Variants in CDH19 observed in about 807,000 individuals in gnomAD.
CDH19 encodes the protein cadherin 19, also known as cadherin-19.
In CDH19, 67 loss-of-function variants were observed where a neutral mutation model predicts 64.2. The ratio of observed to expected loss-of-function variants is 1.04; its 90% CI spans 0.86 to 1.28. The LOEUF (loss-of-function observed/expected upper bound fraction) is 1.28. CDH19 is among the 50% of genes most tolerant of loss of function. CDH19 has a pLI of 0.00. For missense variants in CDH19, 1,030 were observed against 929.0 expected, an observed-to-expected ratio of 1.11 and a Z score of -1.41; for synonymous variants, 346 against 319.3, an observed-to-expected ratio of 1.08 and a Z score of -0.89.
chr18:66,566,563 C>T lies in CDH19; in HGVS notation c.490+1853G>A, dbSNP rs1263892176. Among the ~76,000 whole-genome samples the T allele has an allele frequency of 7.9e-5, 12 of 151,790 alleles. No individual in the cohort carries two copies. The Admixed American group carries it at 7.9e-4, about 10-fold the overall frequency. On this transcript the variant is annotated intron_variant, in intron 3 of 11. Coordinates refer to ENST00000262150, the MANE Select transcript of CDH19 (RefSeq NM_021153.4). ...CTCTTATTCTTCCTTTTATGCCATACAATAGTCTTCAGTGTGCTGTAATAG... is the reference window on the plus strand; with the variant it reads ...CTCTTATTCTTCCTTTTATGCCATATAATAGTCTTCAGTGTGCTGTAATAG...
At chr18:66,580,018 G>A (rs1457708236) in intron 1 of CDH19, among the ~76,000 whole-genome samples, 3 of 151,948 alleles carry the variant, frequency 2.0e-5, no homozygotes, top group Admixed American at 1.3e-4. Context: ...TGTTGAGTTC[G>A]GGTCACGAGT....
intron 8 of CDH19, among the ~76,000 whole-genome samples, chr18:66,531,740 A>G (rs2144423792): frequency 1.3e-5 from 2 of 152,268 alleles, no homozygotes; most frequent in South Asian, 4.1e-4. Flanking sequence ...CATTCTGAAA[A>G]ATGGGTGTGA....
chr18:66,538,271 G>A (rs559332548), intron 7 of CDH19, among the ~76,000 whole-genome samples: 1 of 152,034 alleles, frequency 6.6e-6, no homozygotes, highest in South Asian at 2.1e-4. Flanking sequence ...ATATAATAAA[G>A]TACATTTGCA....
At chr18:66,571,340 A>T in intron 2 of CDH19, among the ~76,000 whole-genome samples, 1 of 151,622 alleles carries the variant, frequency 6.6e-6, no homozygotes, top group East Asian at 1.9e-4. Flanking sequence ...AGTGCCAGTT[A>T]ATTAGCGGTT....
At chr18:66,521,526 TGTTTGTTTGTTTG>T (rs1985983371) in intron 9 of CDH19, among the ~76,000 whole-genome samples, 1 of 69,990 alleles carries the variant, frequency 1.4e-5, no homozygotes, top group Non-Finnish European at 3.5e-5. Flanking sequence ...TTATTTATTT[TGTTTGTTTGTTTG>T]TTTGTTTATT....
At position 66,582,801 on chromosome 18, in the gene CDH19, T is replaced by A. The variant is rs2144606969; in HGVS notation, c.-112-10485A>T. ...TATACAGCAACAAGTGCCATTTCAT[T>A]TTTGGGCTGGATATCATGAACTTTA... is the stretch of plus-strand genomic sequence containing the variant. On this transcript the variant is annotated intron_variant, in intron 1 of 11. Transcript: ENST00000262150. Among the ~76,000 whole-genome samples, 2 of 152,106 alleles carry A rather than the reference T, an allele frequency of 1.3e-5. 1 individual carries two copies. Among genetic ancestry groups the A allele is most frequent in the Admixed American group, 1.3e-4 (2 of 15,256 alleles).
At chr18:66,525,521 G>C (rs563903425) in intron 9 of CDH19, among the ~76,000 whole-genome samples, 29 of 152,178 alleles carry the variant, frequency 1.9e-4, no homozygotes, top group African/African-American at 7.0e-4. Flanking sequence ...AACCTACCCA[G>C]TGAATTTCAA....
Position 66,522,620 on chromosome 18 carries a change from T to C in CDH19, c.1458+7225A>G, listed in dbSNP as rs977475449. Among the ~76,000 whole-genome samples the C allele has an allele frequency of 7.9e-5, 12 of 151,920 alleles. No individual in the cohort carries two copies. The East Asian group carries it at 2.3e-3, about 29-fold the overall frequency. The stretch of plus-strand genomic sequence containing the variant: ...AAACATTTTTTATACAATTTGACTT[T>C]TTATCCTTTTTCTTTTAAATATAAT... On this transcript the variant is annotated intron_variant, in intron 9 of 11. Coordinates refer to ENST00000262150, the MANE Select transcript of CDH19 (RefSeq NM_021153.4).
chr18:66,528,462 T>C (rs983989960), intron 9 of CDH19, among the ~76,000 whole-genome samples: 2 of 152,166 alleles, frequency 1.3e-5, no homozygotes, highest in Non-Finnish European at 2.9e-5. Context: ...CACCTTTTAC[T>C]TTCCCAAATC....
At chr18:66,510,194 A>G (rs1373581953) in intron 10 of CDH19, among the ~76,000 whole-genome samples, 3 of 151,824 alleles carry the variant, frequency 2.0e-5, no homozygotes, top group Admixed American at 6.6e-5. Flanking sequence ...ATGCTTAAGT[A>G]GGACATTTCC....
chr18:66,564,271 GATC>G (rs1247883024), intron 3 of CDH19, among the ~76,000 whole-genome samples: 3 of 151,698 alleles, frequency 2.0e-5, no homozygotes, highest in Non-Finnish European at 4.4e-5. Context: ...TAATTACAGA[GATC>G]ATTATAACAT....
intron 7 of CDH19, among the ~76,000 whole-genome samples, chr18:66,542,261 G>T (rs1986916403): frequency 1.3e-5 from 2 of 152,080 alleles, no homozygotes; most frequent in African/African-American, 4.8e-5. Context: ...TTATGAACTG[G>T]AACTATAATG....
intron 1 of CDH19, among the ~76,000 whole-genome samples, chr18:66,582,091 T>A (rs552924379): frequency 6.6e-6 from 1 of 152,292 alleles, no homozygotes; most frequent in Admixed American, 6.5e-5. Flanking sequence ...CATCTATATC[T>A]AATGGTTCAC....
intron 9 of CDH19, among the ~76,000 whole-genome samples, chr18:66,522,441 G>C (rs1028219568): frequency 2.0e-5 from 3 of 151,842 alleles, no homozygotes; most frequent in Admixed American, 6.6e-5. Flanking sequence ...GTAGAGACGG[G>C]GGTGCGCCAT....
At chr18:66,528,789 T>C (rs1358436532) in intron 9 of CDH19, among the ~76,000 whole-genome samples, 13 of 152,084 alleles carry the variant, frequency 8.5e-5, no homozygotes, top group Admixed American at 4.6e-4. Flanking sequence ...CTAACATTTA[T>C]TGAAAGAGAA....
chr18:66,592,839 A>T (rs1209291135), intron 1 of CDH19, among the ~76,000 whole-genome samples: 1 of 151,886 alleles, frequency 6.6e-6, no homozygotes, highest in Non-Finnish European at 1.5e-5. Context: ...ATTGCAATAC[A>T]TATATTGCAA....
intron 1 of CDH19, among the ~76,000 whole-genome samples, chr18:66,592,610 T>A (rs1456639518): frequency 6.6e-6 from 1 of 151,832 alleles, no homozygotes; most frequent in Non-Finnish European, 1.5e-5. Context: ...TTATTCTAGC[T>A]TTCAAATAAC....
At chr18:66,522,707 T>A (rs1299811339) in intron 9 of CDH19, among the ~76,000 whole-genome samples, 4 of 151,510 alleles carry the variant, frequency 2.6e-5, no homozygotes, top group Admixed American at 2.0e-4. Flanking sequence ...ATGTTTCATA[T>A]TAATTCGAAC....
At position 66,547,675 on chromosome 18, in the gene CDH19, T is replaced by G. The variant is rs1384890375; in HGVS notation, c.776-2772A>C. On this transcript the variant is annotated intron_variant, in intron 5 of 11. Coordinates refer to ENST00000262150, the MANE Select transcript of CDH19 (RefSeq NM_021153.4). ...GTGTGTGTTAGGTTTTTTTTTTTTT[T>G]TTTTTTTTTTGAGACGGAGTCTCGC... 4.4e-5 allele frequency among the ~76,000 whole-genome samples: 6 copies of G among 137,302 alleles called. No homozygotes were observed. In the East Asian group the frequency reaches 6.1e-4, roughly 14 times the overall value. 90.1% of individuals were successfully genotyped at this position (137,302 alleles called of 152,430 possible).
Sources: allele counts gnomAD v4.1 joint callset (sites outside exome capture counted in the v4.1 genomes callset), GRCh38; gene constraint gnomAD v4.1.1; transcripts MANE v1.5; gene names NCBI Gene and HGNC (gene_info 2026-07-23, HGNC 2026-07-21).